AOPEP: variants seen among roughly 807,000 people sequenced by gnomAD.
AOPEP encodes aminopeptidase O.
Under a neutral mutation model 98.1 loss-of-function variants are expected in AOPEP, and 77 were observed. The ratio of observed to expected loss-of-function variants is 0.78; its 90% CI spans 0.65 to 0.95. The LOEUF is 0.95. Ranked by LOEUF, AOPEP falls within the 40% of genes least tolerant of loss-of-function variation. The pLI is 0.00. For missense variants in AOPEP, 1,024 were observed against 1,024.7 expected, an observed-to-expected ratio of 1.00 and a Z score of 0.01; for synonymous variants, 346 against 365.3, an observed-to-expected ratio of 0.95 and a Z score of 0.60.
At chr9:94,942,389 G>C (rs1246078964) in intron 7 of AOPEP, among the ~76,000 whole-genome samples, 1 of 152,028 alleles carries the variant, frequency 6.6e-6, no homozygotes, top group Non-Finnish European at 1.5e-5. Flanking sequence ...ATCTAGAATG[G>C]ATGACAAAAA....
intron 13 of AOPEP, among the ~76,000 whole-genome samples, chr9:95,032,099 T>G (rs1202058852): frequency 1.3e-5 from 2 of 152,190 alleles, no homozygotes; most frequent in Non-Finnish European, 2.9e-5. Flanking sequence ...GCAAACTAAC[T>G]GGGGGGCCCT....
intron 1 of AOPEP, among the ~76,000 whole-genome samples, chr9:94,738,003 CTCA>C (rs1464125540): frequency 6.6e-6 from 1 of 152,166 alleles, no homozygotes; most frequent in African/African-American, 2.4e-5. Flanking sequence ...CTTCTGCCAT[CTCA>C]TCTTTGTGAA....
intron 14 of AOPEP, among the ~76,000 whole-genome samples, chr9:95,080,070 C>T (rs2069563019): frequency 6.6e-6 from 1 of 152,218 alleles, no homozygotes; most frequent in Non-Finnish European, 1.5e-5. Context: ...GGAAGGAGCA[C>T]CAGCAGCCTG....
At chr9:95,001,516 G>A (rs531384993) in intron 11 of AOPEP, among the ~76,000 whole-genome samples, 3 of 152,142 alleles carry the variant, frequency 2.0e-5, no homozygotes, top group African/African-American at 7.2e-5. Flanking sequence ...TTAAAAAAGC[G>A]GTCTTCCAGT....
the AOPEP span, among the ~76,000 whole-genome samples, chr9:95,115,612 G>A: frequency 2.6e-3 from 403 of 152,326 alleles, 2 homozygotes; most frequent in African/African-American, 9.0e-3. Context: ...TGAGCAGCAC[G>A]TATCTGCAGT....
intron 5 of AOPEP, among the ~76,000 whole-genome samples, chr9:94,876,616 T>C (rs58574914): frequency 0.029 from 4,402 of 152,254 alleles, 171 homozygotes; most frequent in African/African-American, 0.084. Context: ...CTGCCTGCCT[T>C]GGCCTCCCAA....
chr9:95,112,901 C>T, the AOPEP span, among the ~76,000 whole-genome samples: 1 of 152,222 alleles, frequency 6.6e-6, no homozygotes, highest in African/African-American at 2.4e-5. Context: ...TGTTTTATTC[C>T]AGTCTTCACG....
At chr9:94,805,029 G>A (rs1372380366) in intron 5 of AOPEP, among the ~76,000 whole-genome samples, 1 of 152,178 alleles carries the variant, frequency 6.6e-6, no homozygotes, top group East Asian at 1.9e-4. Flanking sequence ...GATGGTGGCA[G>A]GTCAGTGAGG....
At chr9:95,047,256 C>T (rs941735602) in intron 13 of AOPEP, among the ~76,000 whole-genome samples, 5 of 152,120 alleles carry the variant, frequency 3.3e-5, no homozygotes, top group Non-Finnish European at 7.4e-5. Context: ...CTATTTAATG[C>T]GAAGTTTTTA....
chr9:95,088,120 CTG>C (rs949024448), downstream of AOPEP, among the ~76,000 whole-genome samples: 21 of 152,098 alleles, frequency 1.4e-4, no homozygotes, highest in African/African-American at 4.8e-4. Flanking sequence ...CAGAACTTGA[CTG>C]TTATGTTTGA....
At chr9:95,147,256 G>A in the AOPEP span, among the ~76,000 whole-genome samples, 7 of 152,226 alleles carry the variant, frequency 4.6e-5, no homozygotes, top group South Asian at 2.1e-4. Context: ...AGTGGCTCAC[G>A]CCTGTAATCC....
intron 5 of AOPEP, among the ~76,000 whole-genome samples, chr9:94,811,891 C>T (rs1850685636): frequency 6.6e-6 from 1 of 152,230 alleles, no homozygotes; most frequent in Admixed American, 6.5e-5. Flanking sequence ...TCAAAGGCCA[C>T]ACATGCTTGT....
intron 5 of AOPEP, among the ~76,000 whole-genome samples, chr9:94,912,455 G>A (rs1319867340): frequency 6.6e-6 from 1 of 152,122 alleles, no homozygotes; most frequent in Non-Finnish European, 1.5e-5. Context: ...ACACTTCAGT[G>A]TGAGTTGAGT....
chr9:95,098,868 T>G, the AOPEP span, among the ~76,000 whole-genome samples: 4 of 152,218 alleles, frequency 2.6e-5, no homozygotes, highest in Non-Finnish European at 5.9e-5. Context: ...TCCTGCTTCC[T>G]CCTTGGTGAC....
Position 95,005,615 on chromosome 9 carries a change from AG to A in AOPEP, c.2115+1del, listed in dbSNP as rs1416739758. Reference sequence around the variant, plus strand: ...AGGGAGAAGGAAGAGGTGTTTGAAAAGGTAGGGGTTCCCGAGACGGTACTCG... The same window carrying A: ...AGGGAGAAGGAAGAGGTGTTTGAAAAGTAGGGGTTCCCGAGACGGTACTCG... ...KRREKEEVFEKLLPDQLVLLL... is the reference protein window; with the variant it reads ...KRREKEEVFEXLLPDQLVLLL... On this transcript the variant is annotated frameshift_variant and splice_region_variant, in exon 13 of 17. Transcript: ENST00000375315. LOFTEE classifies it high-confidence loss of function. 6.2e-7 allele frequency: 1 copy of A among 1,613,812 alleles called. No homozygotes were observed. Among genetic ancestry groups the A allele is most frequent in the East Asian group, 2.2e-5 (1 of 44,872 alleles).
rs1317184756 is a variant in AOPEP, at chr9:95,005,150, C to T, written c.1978-8C>T. 4 of 1,143,540 alleles carry T rather than the reference C, an allele frequency of 3.5e-6. No individual in the cohort carries two copies. Among genetic ancestry groups the T allele is most frequent in the Non-Finnish European group, 4.3e-6 (4 of 929,188 alleles). 70.8% of individuals were successfully genotyped at this position (1,143,540 alleles called of 1,614,324 possible). On this transcript the variant is annotated splice_polypyrimidine_tract_variant and splice_region_variant and intron_variant, in intron 11 of 16. Transcript: ENST00000375315. ...CGGTAAACTTGACTGTGTCCTCTTC[C>T]CCCGCAGCCGCTGCAGAGGGAGCGT...
rs1444699855 is a variant in AOPEP, at chr9:94,955,206, G to C, written c.1691G>C (p.Ser564Thr). ...AGTAAAGACAAAACTGGCCACACAA[G>C]TGACTCGGGAGCATCTGTTATCAAG... ...RPSKDKTGHTSDSGASVIKHG... is the reference protein window; with the variant it reads ...RPSKDKTGHTTDSGASVIKHG... The change falls in exon 8 of 17, where the codon AGT (serine) becomes ACT (threonine). Residue 564 changes from serine (S) to threonine (T), a missense_variant. Physicochemically the swap from Ser to Thr is moderately conservative, Grantham distance 58. Transcript: ENST00000375315. The C allele has an allele frequency of 6.2e-7, 1 of 1,613,092 alleles. No homozygotes were observed. Among genetic ancestry groups the C allele is most frequent in the Non-Finnish European group, 8.5e-7 (1 of 1,179,760 alleles).
At chr9:94,938,236 C>T (rs1282484570) in intron 7 of AOPEP, among the ~76,000 whole-genome samples, 1 of 152,194 alleles carries the variant, frequency 6.6e-6, no homozygotes, top group Non-Finnish European at 1.5e-5. Flanking sequence ...ACTTTTGTCC[C>T]TAGGGATTAC....
intron 13 of AOPEP, among the ~76,000 whole-genome samples, chr9:95,016,720 C>T (rs1480626215): frequency 6.7e-6 from 1 of 149,506 alleles, no homozygotes. Context: ...TCAAGTGATC[C>T]TCCTGCCTCA....
Sources: allele counts gnomAD v4.1 joint callset (sites outside exome capture counted in the v4.1 genomes callset), GRCh38; gene constraint gnomAD v4.1.1; transcripts MANE v1.5; gene names NCBI Gene and HGNC (gene_info 2026-07-23, HGNC 2026-07-21).